The following SPAG1 variants were observed in gnomAD, a reference collection of about 807,000 sequenced individuals.
SPAG1 encodes sperm-associated antigen 1.
A neutral mutation model predicts 100.5 loss-of-function variants in SPAG1; 69 were observed. That is an observed-to-expected ratio of 0.69 (90% CI 0.57 to 0.84). The LOEUF (loss-of-function observed/expected upper bound fraction) is 0.84. SPAG1 is among the 40% of genes least tolerant of loss of function. SPAG1 has a pLI of 0.00. For missense variants in SPAG1, 955 were observed against 1,133.1 expected (o/e 0.84, Z 2.26); for synonymous variants, 336 against 411.6 (o/e 0.82, Z 2.22).
At chr8:100,188,115 A>G (rs1816663450) in intron 8 of SPAG1, among the ~76,000 whole-genome samples, 1 of 151,678 alleles carries the variant, frequency 6.6e-6, no homozygotes, top group South Asian at 2.1e-4. Context: ...TCAGCCTCCT[A>G]AAGTGCTGGG....
chr8:100,169,269 C>A (rs977571385), intron 3 of SPAG1, among the ~76,000 whole-genome samples: 1 of 151,928 alleles, frequency 6.6e-6, no homozygotes, highest in Non-Finnish European at 1.5e-5. Flanking sequence ...ATCAGTTGAC[C>A]AAAGCTGGGT....
chr8:100,241,660 ACTTT>A lies in SPAG1; in HGVS notation c.*643_*646del, dbSNP rs1819277442. On this transcript the variant is annotated 3_prime_UTR_variant, in exon 19 of 19. Coordinates refer to ENST00000388798, the MANE Select transcript of SPAG1 (RefSeq NM_003114.5). The surrounding 1 kb of genome is among the most constrained non-coding windows in gnomAD (Gnocchi z 5.1). Reference sequence around the variant, plus strand: ...ACTTTTTACTAGATTTTAAAAAGCTACTTTCTTTTATATTGCCTATATAAGCAAA... The same window carrying A: ...ACTTTTTACTAGATTTTAAAAAGCTACTTTTATATTGCCTATATAAGCAAA... 6.6e-6 allele frequency: 1 copy of A among 152,202 alleles called. No individual in the cohort carries two copies. The highest frequency in any genetic ancestry group is 1.5e-5 in the Non-Finnish European group (1 of 68,014). 9.4% of individuals were successfully genotyped at this position (152,202 alleles called of 1,614,324 possible). A position where few individuals can be genotyped will look rare whatever the true frequency, so the allele number is the denominator to read the frequency against.
intron 15 of SPAG1, among the ~76,000 whole-genome samples, chr8:100,232,043 G>C (rs138030810): frequency 2.0e-3 from 301 of 152,174 alleles, no homozygotes; most frequent in African/African-American, 6.9e-3. Flanking sequence ...GTCATTTATA[G>C]CGTGCAGCAG....
intron 16 of SPAG1, among the ~76,000 whole-genome samples, chr8:100,237,342 A>G (rs188153648): frequency 6.6e-6 from 1 of 151,960 alleles, no homozygotes; most frequent in East Asian, 1.9e-4. Flanking sequence ...TGGCCTCCCA[A>G]AGTGCTGGGA....
intron 13 of SPAG1, among the ~76,000 whole-genome samples, chr8:100,221,636 A>G (rs538047315): frequency 6.6e-6 from 1 of 152,314 alleles, no homozygotes; most frequent in East Asian, 1.9e-4. Flanking sequence ...ATACTAGAAT[A>G]TAGTTGGGTA....
rs56109104 is a variant in SPAG1, at chr8:100,194,540, A to C, written c.1096+272A>C. The C allele has an allele frequency of 3.9e-5, 21 of 543,478 alleles. No homozygotes were observed. The East Asian group carries it at 6.2e-4, about 16-fold the overall frequency. The allele number at this position is 543,478 out of a possible 1,614,324, so 33.7% of individuals were successfully genotyped here. On this transcript the variant is annotated intron_variant, in intron 10 of 18. Coordinates refer to ENST00000388798, the MANE Select transcript of SPAG1 (RefSeq NM_003114.5). ...ATGTAAATGGCTGTGTTTATTTGAC[A>C]CAGACCATTTGCCAGTTAACTTTAA...
chr8:100,206,376 A>G (rs1248384825), intron 10 of SPAG1, among the ~76,000 whole-genome samples: 2 of 152,124 alleles, frequency 1.3e-5, no homozygotes, highest in African/African-American at 4.8e-5. Context: ...GGGTATATCA[A>G]CTCTGCGGCT....
chr8:100,180,413 T>G (rs552781236), intron 4 of SPAG1, among the ~76,000 whole-genome samples: 2 of 152,202 alleles, frequency 1.3e-5, no homozygotes, highest in Non-Finnish European at 2.9e-5. Context: ...AATTTAGATA[T>G]TATGTGTTTC....
intron 14 of SPAG1, among the ~76,000 whole-genome samples, chr8:100,230,089 C>T (rs1295401854): frequency 1.3e-5 from 2 of 152,186 alleles, no homozygotes; most frequent in Non-Finnish European, 2.9e-5. Flanking sequence ...AATTGGATTA[C>T]TATGGCCATA....
At chr8:100,232,803 TC>T (rs1266618106) in intron 15 of SPAG1, among the ~76,000 whole-genome samples, 12 of 152,198 alleles carry the variant, frequency 7.9e-5, no homozygotes, top group South Asian at 2.1e-4. Flanking sequence ...AAGCTCAACT[TC>T]CTTCCATGAC....
intron 13 of SPAG1, among the ~76,000 whole-genome samples, chr8:100,221,259 C>T (rs1818264992): frequency 6.6e-6 from 1 of 151,980 alleles, no homozygotes; most frequent in African/African-American, 2.4e-5. Context: ...TCTTCATGAG[C>T]CTGCCAGATA....
At chr8:100,168,907 G>A (rs1001331875) in intron 3 of SPAG1, among the ~76,000 whole-genome samples, 1 of 151,482 alleles carries the variant, frequency 6.6e-6, no homozygotes, top group Non-Finnish European at 1.5e-5. Flanking sequence ...GGCTGGTCTC[G>A]AACTCCCAAC....
chr8:100,240,750 G>C lies in SPAG1; in HGVS notation c.2628G>C (p.Leu876=). ...TGGTGTATCAGCATCTTTTATACCT[G>C]AGTAAAGCAGAAAGGTTTAAGGTAA... The part of the protein sequence containing the change: ...PSLVYQHLLY[L]SKAERFKMML... The change falls in exon 18 of 19, where the codon CTG becomes CTC. Residue 876 remains leucine, a synonymous_variant. Coordinates refer to ENST00000388798, the MANE Select transcript of SPAG1 (RefSeq NM_003114.5). 3 of 1,600,772 alleles carry C rather than the reference G, an allele frequency of 1.9e-6. No individual in the cohort carries two copies. Among genetic ancestry groups the C allele is most frequent in the Non-Finnish European group, 2.6e-6 (3 of 1,175,306 alleles).
At chr8:100,166,350 C>A (rs1047008313) in intron 3 of SPAG1, among the ~76,000 whole-genome samples, 1 of 152,080 alleles carries the variant, frequency 6.6e-6, no homozygotes, top group Non-Finnish European at 1.5e-5. Context: ...CCTCTGCCTC[C>A]CAGGTTCAAG....
chr8:100,164,487 C>T lies in SPAG1; in HGVS notation c.141-1327C>T, dbSNP rs1000061461. 6.6e-5 allele frequency among the ~76,000 whole-genome samples: 10 copies of T among 152,062 alleles called. No individual in the cohort carries two copies. The East Asian group carries it at 7.7e-4, about 12-fold the overall frequency. ...TCACCCAGGCTGGAGTGCAGTGGTG[C>T]GATCTCGGTTCACTGCAACCTCTGC... On this transcript the variant is annotated intron_variant, in intron 2 of 18. Coordinates refer to ENST00000388798, the MANE Select transcript of SPAG1 (RefSeq NM_003114.5).
chr8:100,223,580 CTTT>C (rs34674281), intron 13 of SPAG1, among the ~76,000 whole-genome samples: 2 of 143,240 alleles, frequency 1.4e-5, no homozygotes, highest in African/African-American at 2.6e-5. Flanking sequence ...ACAGCAGAAG[CTTT>C]TTTTTTTTTT....
At chr8:100,192,984 T>C (rs1409431062) in intron 9 of SPAG1, among the ~76,000 whole-genome samples, 1 of 152,186 alleles carries the variant, frequency 6.6e-6, no homozygotes, top group East Asian at 1.9e-4. Flanking sequence ...CATATACTTT[T>C]TGATGTAAGA....
At chr8:100,161,154 A>G (rs1815288728) in intron 1 of SPAG1, among the ~76,000 whole-genome samples, 1 of 152,160 alleles carries the variant, frequency 6.6e-6, no homozygotes, top group African/African-American at 2.4e-5. Flanking sequence ...AGCCTGGGGA[A>G]AATGGCAAAA....
intron 16 of SPAG1, among the ~76,000 whole-genome samples, chr8:100,237,351 G>A (rs1277824091): frequency 6.6e-6 from 1 of 152,134 alleles, no homozygotes; most frequent in Non-Finnish European, 1.5e-5. Context: ...AAAGTGCTGG[G>A]ACACACTTTC....
Sources: allele counts gnomAD v4.1 joint callset (sites outside exome capture counted in the v4.1 genomes callset), GRCh38; gene constraint gnomAD v4.1.1; non-coding constraint Gnocchi (gnomAD v3.1); transcripts MANE v1.5; gene names NCBI Gene and HGNC (gene_info 2026-07-23, HGNC 2026-07-21).